CAMKMT: variants seen among roughly 807,000 people sequenced by gnomAD.
The protein encoded by CAMKMT is CaM KMT.
In CAMKMT, 53 loss-of-function variants were observed where a neutral mutation model predicts 48.0. The ratio of observed to expected loss-of-function variants is 1.10; its 90% CI spans 0.89 to 1.39. CAMKMT has a LOEUF of 1.39. CAMKMT is among the 40% of genes most tolerant of loss of function. The pLI, the probability that CAMKMT is intolerant of heterozygous loss-of-function variation, is 0.00. For synonymous variants in CAMKMT, 165 were observed against 152.3 expected (o/e 1.08, Z -0.61); for missense variants, 428 against 402.7 (o/e 1.06, Z -0.54).
chr2:44,370,913 C>T (rs1679109460), intron 1 of CAMKMT, among the ~76,000 whole-genome samples: 1 of 152,240 alleles, frequency 6.6e-6, no homozygotes, highest in South Asian at 2.1e-4. Flanking sequence ...TATGCTCAAG[C>T]AATCCTCTTG....
At chr2:44,636,245 G>T (rs1673127438) in intron 3 of CAMKMT, among the ~76,000 whole-genome samples, 1 of 152,170 alleles carries the variant, frequency 6.6e-6, no homozygotes, top group Admixed American at 6.6e-5. Context: ...AGTGGTACAG[G>T]ATAGCAGAGA....
chr2:44,708,211 A>ATTTTTTTTTTTTTTTTTTTT (rs59281575), intron 6 of CAMKMT, among the ~76,000 whole-genome samples: 3 of 68,194 alleles, frequency 4.4e-5, no homozygotes, highest in African/African-American at 5.8e-5. Flanking sequence ...TTTGCTTTGG[A>ATTTTTTTTTTTTTTTTTTTT]TTTTTTTTTT....
intron 3 of CAMKMT, among the ~76,000 whole-genome samples, chr2:44,557,906 C>G (rs1193539422): frequency 6.6e-6 from 1 of 152,180 alleles, no homozygotes; most frequent in African/African-American, 2.4e-5. Context: ...CCACTCCCCA[C>G]TGCGCATGTC....
intron 3 of CAMKMT, among the ~76,000 whole-genome samples, chr2:44,544,255 A>G (rs1667276078): frequency 5.9e-5 from 9 of 152,150 alleles, no homozygotes. Context: ...AAAGTTAGCA[A>G]TTAATGCCAA....
At chr2:44,447,148 C>T (rs911949744) in intron 3 of CAMKMT, among the ~76,000 whole-genome samples, 1 of 152,054 alleles carries the variant, frequency 6.6e-6, no homozygotes, top group Admixed American at 6.5e-5. Flanking sequence ...TTGCTTTGTG[C>T]TTTGTTAATG....
intron 3 of CAMKMT, among the ~76,000 whole-genome samples, chr2:44,519,878 A>G (rs952414429): frequency 3.9e-5 from 6 of 152,094 alleles, no homozygotes; most frequent in Admixed American, 3.9e-4. Flanking sequence ...AGTAGCTGGG[A>G]CTACAGGTGC....
intron 3 of CAMKMT, among the ~76,000 whole-genome samples, chr2:44,567,026 T>G (rs1205976769): frequency 1.3e-5 from 2 of 152,104 alleles, no homozygotes; most frequent in Non-Finnish European, 2.9e-5. Flanking sequence ...GGGAAAAGAA[T>G]AGCTACCATA....
rs919773876 is a variant in CAMKMT, at chr2:44,381,976, T to A, written c.312-8265T>A. ...TTTTTTTTGAGATGGAGTTTCGCTC[T>A]TGTCACCCAGGCTGGAATGCAATGG... On this transcript the variant is annotated intron_variant, in intron 2 of 10. Coordinates refer to ENST00000378494, the MANE Select transcript of CAMKMT (RefSeq NM_024766.5). Among the ~76,000 whole-genome samples, 4 of 147,806 alleles carry A rather than the reference T, an allele frequency of 2.7e-5. No individual in the cohort carries two copies. In the Admixed American group the frequency reaches 2.8e-4, roughly 10 times the overall value.
chr2:44,680,484 C>T (rs1414417860), intron 3 of CAMKMT, among the ~76,000 whole-genome samples: 1 of 152,170 alleles, frequency 6.6e-6, no homozygotes, highest in African/African-American at 2.4e-5. Flanking sequence ...AACAAAATAG[C>T]CCTGGTCCCA....
chr2:44,376,038 T>C (rs997089131), intron 2 of CAMKMT, among the ~76,000 whole-genome samples: 4 of 151,216 alleles, frequency 2.6e-5, no homozygotes, highest in African/African-American at 7.3e-5. Flanking sequence ...TCCACCTGCC[T>C]TGGCCTCCCA....
At chr2:44,755,665 T>C (rs574971255) in intron 9 of CAMKMT, among the ~76,000 whole-genome samples, 10 of 152,266 alleles carry the variant, frequency 6.6e-5, no homozygotes, top group African/African-American at 2.4e-4. Flanking sequence ...GCCCAAGCTA[T>C]GAATAGACCT....
intron 3 of CAMKMT, among the ~76,000 whole-genome samples, chr2:44,570,617 A>T (rs1361525004): frequency 6.6e-6 from 1 of 152,216 alleles, no homozygotes; most frequent in Non-Finnish European, 1.5e-5. Context: ...TATAGGACAG[A>T]AACTACTAAT....
intron 3 of CAMKMT, among the ~76,000 whole-genome samples, chr2:44,452,854 C>T (rs1348927535): frequency 1.3e-5 from 2 of 151,904 alleles, no homozygotes; most frequent in Admixed American, 1.3e-4. Context: ...CCTTTGATAT[C>T]CTGCAGCCAT....
chr2:44,765,658 A>G (rs1168932305), intron 9 of CAMKMT, among the ~76,000 whole-genome samples: 1 of 152,200 alleles, frequency 6.6e-6, no homozygotes, highest in African/African-American at 2.4e-5. Context: ...GTCTTCTGAA[A>G]TCCAGTACAT....
intron 3 of CAMKMT, among the ~76,000 whole-genome samples, chr2:44,628,604 C>T (rs988603173): frequency 6.6e-6 from 1 of 150,822 alleles, no homozygotes; most frequent in Non-Finnish European, 1.5e-5. Context: ...TGGTCTTGAG[C>T]TCCTAGGTTC....
intron 9 of CAMKMT, among the ~76,000 whole-genome samples, chr2:44,757,649 C>T (rs373418435): frequency 2.0e-5 from 3 of 151,360 alleles, no homozygotes; most frequent in Middle Eastern, 3.2e-3. Flanking sequence ...TTGCAACTTC[C>T]GCCTCCCAGG....
chr2:44,744,525 G>T (rs1027919926), intron 8 of CAMKMT, among the ~76,000 whole-genome samples: 1 of 152,116 alleles, frequency 6.6e-6, no homozygotes, highest in Non-Finnish European at 1.5e-5. Flanking sequence ...TATTTTCCCT[G>T]TTAAGAGTAA....
chr2:44,449,927 G>C (rs539027373), intron 3 of CAMKMT, among the ~76,000 whole-genome samples: 1 of 152,144 alleles, frequency 6.6e-6, no homozygotes, highest in Non-Finnish European at 1.5e-5. Flanking sequence ...TAACATTTGT[G>C]TTTATCAAAT....
intron 3 of CAMKMT, among the ~76,000 whole-genome samples, chr2:44,691,184 G>A (rs540471992): frequency 9.9e-5 from 15 of 152,242 alleles, no homozygotes; most frequent in Admixed American, 5.9e-4. Context: ...ATGTCTTCAC[G>A]CTCTAAGCCA....
Sources: allele counts gnomAD v4.1 joint callset (sites outside exome capture counted in the v4.1 genomes callset), GRCh38; gene constraint gnomAD v4.1.1; transcripts MANE v1.5; gene names NCBI Gene and HGNC (gene_info 2026-07-23, HGNC 2026-07-21).